The following PLCE1 variants were observed in gnomAD, a reference collection of about 807,000 sequenced individuals.
The protein encoded by PLCE1 is phospholipase C epsilon 1, also known as 1-phosphatidylinositol 4,5-bisphosphate phosphodiesterase epsilon-1.
Under a neutral mutation model 242.8 loss-of-function variants are expected in PLCE1, and 119 were observed. The observed-to-expected ratio is 0.49, with a 90% confidence interval of 0.42 to 0.57. PLCE1 has a LOEUF of 0.57. PLCE1 is among the 20% of genes least tolerant of loss of function. The pLI is 0.00. For missense variants in PLCE1, 2,441 were observed against 2,788.8 expected (o/e 0.88, Z 2.81); for synonymous variants, 945 against 1,017.4 (o/e 0.93, Z 1.35).
At chr10:94,188,033 T>C (rs1590209478) in intron 4 of PLCE1, among the ~76,000 whole-genome samples, 1 of 152,048 alleles carries the variant, frequency 6.6e-6, no homozygotes, top group East Asian at 1.9e-4. Flanking sequence ...TACTCACAGC[T>C]ACCATGAGGT....
In PLCE1 at chr10:94,216,762, C is replaced by A. The variant is rs555398239; in HGVS notation, c.1810-10544C>A. On this transcript the variant is annotated intron_variant, in intron 4 of 32. Transcript: ENST00000371380. ...ACATTTGTAAGCAACTGGTAAGCAC[C>A]AATGCCACATTCTCTGTGACTTCTC... Among the ~76,000 whole-genome samples the A allele has an allele frequency of 5.1e-4, 77 of 152,052 alleles. No individual in the cohort carries two copies. In the Middle Eastern group the frequency reaches 0.014, roughly 27 times the overall value.
chr10:94,294,696 T>C (rs914907545), intron 23 of PLCE1, among the ~76,000 whole-genome samples: 1 of 152,310 alleles, frequency 6.6e-6, no homozygotes, highest in African/African-American at 2.4e-5. Flanking sequence ...TCTGAGCCTG[T>C]AGCAAGTTGT....
chr10:94,186,651 C>T (rs527758243), intron 4 of PLCE1, among the ~76,000 whole-genome samples: 1 of 152,186 alleles, frequency 6.6e-6, no homozygotes, highest in African/African-American at 2.4e-5. Context: ...GTTGGCCTAA[C>T]AGAACATTTT....
chr10:94,258,676 G>C (rs1318867442), intron 11 of PLCE1, 124 bp from the exon 12 acceptor site: 3 of 1,089,256 alleles, frequency 2.8e-6, no homozygotes, highest in African/African-American at 3.1e-5. Flanking sequence ...CTGGAAAATA[G>C]CTTCAATCTT....
intron 4 of PLCE1, among the ~76,000 whole-genome samples, chr10:94,173,154 A>C (rs1269872446): frequency 6.6e-6 from 1 of 152,180 alleles, no homozygotes; most frequent in Non-Finnish European, 1.5e-5. Context: ...AGATTACACA[A>C]GTGGTAGGTG....
In PLCE1 at chr10:94,152,872, T is replaced by A. The variant is rs77251562; in HGVS notation, c.1493-18308T>A. ...CCTACCCAAAGTCTGGTACAGGTTATTTCTGCAATAGTATGTTCAAAATCA... is the reference window on the plus strand; with the variant it reads ...CCTACCCAAAGTCTGGTACAGGTTAATTCTGCAATAGTATGTTCAAAATCA... On this transcript the variant is annotated intron_variant, in intron 3 of 32. Coordinates refer to ENST00000371380, the MANE Select transcript of PLCE1 (RefSeq NM_016341.4). 2.0e-3 allele frequency among the ~76,000 whole-genome samples: 311 copies of A among 152,300 alleles called. 3 individuals are homozygous for A. Among genetic ancestry groups the A allele is most frequent in the African/African-American group, 6.4e-3 (268 of 41,582 alleles).
chr10:94,113,185 T>C (rs2046007819), intron 2 of PLCE1, among the ~76,000 whole-genome samples: 1 of 151,784 alleles, frequency 6.6e-6, no homozygotes, highest in Non-Finnish European at 1.5e-5. Context: ...TTGATTGTGG[T>C]GTAACTATAT....
At chr10:94,319,759 G>A (rs927596076) in intron 29 of PLCE1, among the ~76,000 whole-genome samples, 1 of 151,952 alleles carries the variant, frequency 6.6e-6, no homozygotes, top group Admixed American at 6.6e-5. Context: ...TTAGTAAAAA[G>A]GGATATAAGT....
intron 2 of PLCE1, among the ~76,000 whole-genome samples, chr10:94,118,905 A>AT: frequency 6.6e-6 from 1 of 152,218 alleles, no homozygotes; most frequent in African/African-American, 2.4e-5. Flanking sequence ...CGACCCGTCC[A>AT]TTTTTTTGTA....
chr10:94,297,622 A>AAAAAAAAAAAAAAAAG (rs1564873283), intron 23 of PLCE1, among the ~76,000 whole-genome samples: 3 of 110,206 alleles, frequency 2.7e-5, no homozygotes, highest in African/African-American at 7.0e-5. Context: ...AAAAAAAAAA[A>AAAAAAAAAAAAAAAAG]AAAAAGTGCA....
At chr10:94,223,115 C>T (rs781144340) in intron 4 of PLCE1, among the ~76,000 whole-genome samples, 45 of 151,016 alleles carry the variant, frequency 3.0e-4, no homozygotes, top group Non-Finnish European at 5.7e-4. Flanking sequence ...GAATAAAATG[C>T]CAGGCCGTGT....
At chr10:94,115,178 T>C (rs1288582419) in intron 2 of PLCE1, among the ~76,000 whole-genome samples, 4 of 152,206 alleles carry the variant, frequency 2.6e-5, no homozygotes, top group African/African-American at 9.6e-5. Flanking sequence ...TGTTGGACAT[T>C]TGGGTTGGTT....
chr10:94,058,032 C>T (rs555013984), intron 2 of PLCE1, among the ~76,000 whole-genome samples: 2 of 152,120 alleles, frequency 1.3e-5, no homozygotes, highest in Admixed American at 6.6e-5. Flanking sequence ...TTTTAAGAAC[C>T]TTCTAGGTAT....
intron 2 of PLCE1, among the ~76,000 whole-genome samples, chr10:94,047,310 T>C (rs1049169018): frequency 2.0e-5 from 3 of 152,162 alleles, no homozygotes; most frequent in African/African-American, 7.2e-5. Flanking sequence ...GGGATATTAG[T>C]TCCTGCCAGG....
chr10:94,131,143 G>A (rs1003695615), intron 2 of PLCE1, among the ~76,000 whole-genome samples: 2 of 152,200 alleles, frequency 1.3e-5, no homozygotes, highest in South Asian at 2.1e-4. Context: ...GATAGAGACA[G>A]CATGATAGAG....
intron 4 of PLCE1, among the ~76,000 whole-genome samples, chr10:94,196,532 T>A (rs1385982354): frequency 6.6e-6 from 1 of 152,142 alleles, no homozygotes; most frequent in African/African-American, 2.4e-5. Flanking sequence ...ATGCCTATAA[T>A]TCCAGCACTT....
At chr10:94,171,813 A>T (rs2047989646) in intron 4 of PLCE1, among the ~76,000 whole-genome samples, 1 of 151,984 alleles carries the variant, frequency 6.6e-6, no homozygotes, top group Non-Finnish European at 1.5e-5. Context: ...CCAACCCCTC[A>T]TTCCCAAAGG....
intron 2 of PLCE1, among the ~76,000 whole-genome samples, chr10:94,039,532 C>T (rs1221103317): frequency 1.3e-5 from 2 of 151,986 alleles, no homozygotes; most frequent in African/African-American, 2.4e-5. Flanking sequence ...ATTACAGGTG[C>T]GTGCCACTAT....
intron 1 of PLCE1, among the ~76,000 whole-genome samples, chr10:94,006,353 A>G (rs1437153425): frequency 6.6e-6 from 1 of 152,242 alleles, no homozygotes; most frequent in East Asian, 1.9e-4. Flanking sequence ...ATTAAGAGAC[A>G]TGTGCTTTAC....
Sources: gnomAD v4.1 joint callset for allele counts (sites outside exome capture counted in the v4.1 genomes callset) on GRCh38, gnomAD v4.1.1 for gene constraint, MANE v1.5 for transcripts, NCBI Gene and HGNC (gene_info 2026-07-23, HGNC 2026-07-21) for gene names.